ULK2: variants seen among roughly 807,000 people sequenced by gnomAD.
The protein encoded by ULK2 is serine/threonine-protein kinase ULK2.
In ULK2, 76 loss-of-function variants were observed where a neutral mutation model predicts 127.5. The ratio of observed to expected loss-of-function variants is 0.60; its 90% confidence interval spans 0.50 to 0.72. The LOEUF is 0.72. Ranked by LOEUF, ULK2 falls within the 30% of genes least tolerant of loss-of-function variation. ULK2 has a pLI of 0.00. For missense variants in ULK2, 1,144 were observed against 1,295.9 expected (o/e 0.88, Z 1.80); for synonymous variants, 452 against 461.9 (o/e 0.98, Z 0.28).
chr17:19,858,423 G>A (rs1446098773), intron 3 of ULK2, among the ~76,000 whole-genome samples: 1 of 151,758 alleles, frequency 6.6e-6, no homozygotes, highest in East Asian at 1.9e-4. Context: ...AAAAGAAATA[G>A]TAACTATTTG....
intron 8 of ULK2, among the ~76,000 whole-genome samples, chr17:19,842,435 G>A (rs980819223): frequency 5.3e-5 from 8 of 152,072 alleles, no homozygotes; most frequent in African/African-American, 1.9e-4. Context: ...GACCTCAGGT[G>A]ATCTGCCCGC....
At chr17:19,849,330 C>A in intron 5 of ULK2, 39 bp downstream of exon 5, 4 of 1,589,402 alleles carry the variant, frequency 2.5e-6, no homozygotes, top group Non-Finnish European at 3.4e-6. Flanking sequence ...CAGGCTGCAG[C>A]ACTGTCTTTA....
At chr17:19,820,534 G>C (rs1170221970) in intron 12 of ULK2, among the ~76,000 whole-genome samples, 1 of 152,120 alleles carries the variant, frequency 6.6e-6, no homozygotes, top group Non-Finnish European at 1.5e-5. Flanking sequence ...GCCTATATTT[G>C]AGCTATCCAC....
intron 20 of ULK2, among the ~76,000 whole-genome samples, chr17:19,792,093 AT>A (rs1231153910): frequency 6.6e-6 from 1 of 152,110 alleles, no homozygotes; most frequent in East Asian, 1.9e-4. Flanking sequence ...TAAGAGGGAA[AT>A]TTATAGCTAA....
chr17:19,782,067 G>A lies in ULK2; in HGVS notation c.2461C>T (p.Arg821Trp), dbSNP rs199558748. Residue 821 changes from arginine to tryptophan, a missense_variant and splice_region_variant, in exon 23 of 27, where the codon CGG becomes TGG. Physicochemically the swap from Arg to Trp is moderately radical, Grantham distance 101. Coordinates refer to ENST00000395544, the MANE Select transcript of ULK2 (RefSeq NM_014683.4). Reference sequence around the variant, plus strand: ...TGGCGTAAGGTGTCTGTGTGTTCCCGCTGCAGCAAAGTCAATTTGTCTTAG... The same window carrying A: ...TGGCGTAAGGTGTCTGTGTGTTCCCACTGCAGCAAAGTCAATTTGTCTTAG... ...PELPEETLMEREHTDTLRHLN... is the reference protein window; with the variant it reads ...PELPEETLMEWEHTDTLRHLN... 662 of 1,612,546 alleles carry A rather than the reference G, an allele frequency of 4.1e-4. 2 individuals are homozygous for A. The highest frequency in any genetic ancestry group is 3.5e-4 in the Non-Finnish European group (414 of 1,179,162).
At chr17:19,824,211 A>G (rs2041231634) in intron 12 of ULK2, among the ~76,000 whole-genome samples, 1 of 152,104 alleles carries the variant, frequency 6.6e-6, no homozygotes, top group Non-Finnish European at 1.5e-5. Context: ...TTGGGAGGCC[A>G]AGGCGGGCAG....
At chr17:19,833,480 GGGT>G (rs1355406933) in intron 10 of ULK2, among the ~76,000 whole-genome samples, 1 of 151,820 alleles carries the variant, frequency 6.6e-6, no homozygotes, top group African/African-American at 2.4e-5. Flanking sequence ...AGGCCGAGGT[GGGT>G]GGATCACGTG....
At chr17:19,806,546 T>A (rs2087519860) in intron 14 of ULK2, among the ~76,000 whole-genome samples, 1 of 152,234 alleles carries the variant, frequency 6.6e-6, no homozygotes. Context: ...AAATGTTATC[T>A]CAGATAGTCT....
Position 19,773,104 on chromosome 17 carries a change from C to T in ULK2, c.*3245G>A, listed in dbSNP as rs1365182300. On this transcript the variant is annotated 3_prime_UTR_variant, in exon 27 of 27. Transcript: ENST00000395544. ...CCAGCCTGACCAACATGGTGAAACC[C>T]CATCTCCACTAAAAATACGAAAAAT... 2 of 152,166 alleles carry T rather than the reference C, an allele frequency of 1.3e-5. No individual in the cohort carries two copies. The highest frequency in any genetic ancestry group is 4.8e-5 in the African/African-American group (2 of 41,404). 9.4% of individuals were successfully genotyped at this position (152,166 alleles called of 1,614,324 possible).
At position 19,811,582 on chromosome 17, in the gene ULK2, C is replaced by T. The variant is rs562936330; in HGVS notation, c.1097-1144G>A. ...TCAGCCTCCCAAGTAGCTGGGATTA[C>T]AGGTGTGTGCCACCACACCCAGCTA... On this transcript the variant is annotated intron_variant, in intron 13 of 26. Coordinates refer to ENST00000395544, the MANE Select transcript of ULK2 (RefSeq NM_014683.4). 1.4e-4 allele frequency among the ~76,000 whole-genome samples: 22 copies of T among 152,136 alleles called. No individual in the cohort carries two copies. The East Asian group carries it at 3.7e-3, about 26-fold the overall frequency.
chr17:19,857,034 G>A (rs1041210371), intron 3 of ULK2, among the ~76,000 whole-genome samples: 9 of 146,512 alleles, frequency 6.1e-5, no homozygotes, highest in East Asian at 4.1e-4. Flanking sequence ...AGCCAGGCAC[G>A]GTGGCTCACA....
intron 11 of ULK2, 81 bp from the exon 12 acceptor site, chr17:19,825,263 T>C (rs1014940422): frequency 8.4e-7 from 1 of 1,196,728 alleles, no homozygotes; most frequent in Non-Finnish European, 1.2e-6. Flanking sequence ...TTGCCAAAAC[T>C]ACTACACCTT....
intron 3 of ULK2, among the ~76,000 whole-genome samples, chr17:19,854,296 C>T (rs1342724532): frequency 6.7e-6 from 1 of 148,750 alleles, no homozygotes; most frequent in Non-Finnish European, 1.5e-5. Flanking sequence ...AAAGCACACA[C>T]AAAAAAAGGC....
rs2041893528 is a variant in ULK2 at position 19,846,756 on chromosome 17, A to G, written c.450T>C (p.Ser150=). The change falls in exon 6 of 27, where the codon AGT becomes AGC. Residue 150 remains serine (S), a synonymous_variant. Transcript: ENST00000395544. ...SYANRRKSSV[S]GIRIKIADFG... ...ATTTACCTATTTTGATGCGAATACCACTGACACTTGATTTTCTGCGATTGG... is the reference window on the plus strand; with the variant it reads ...ATTTACCTATTTTGATGCGAATACCGCTGACACTTGATTTTCTGCGATTGG... 1.2e-6 allele frequency: 2 copies of G among 1,610,582 alleles called. No homozygotes were observed. The highest frequency in any genetic ancestry group is 1.7e-6 in the Non-Finnish European group (2 of 1,178,780).
intron 1 of ULK2, 28 bp downstream of exon 1, chr17:19,867,300 G>T: frequency 6.5e-7 from 1 of 1,529,688 alleles, no homozygotes. Flanking sequence ...GCCGCCCGGG[G>T]CCCGGCCTCG....
Position 19,774,197 on chromosome 17 carries a change from A to T in ULK2, c.*2152T>A, listed in dbSNP as rs900784433. The T allele has an allele frequency of 6.5e-6, 1 of 152,810 alleles. No homozygotes were observed. The highest frequency in any genetic ancestry group is 1.9e-4 in the East Asian group (1 of 5,192). 9.5% of individuals were successfully genotyped at this position (152,810 alleles called of 1,614,324 possible). A position where few individuals can be genotyped will look rare whatever the true frequency, so the allele number is the denominator to read the frequency against. ...TGTTTATTATTGCTATACTCAAGGC[A>T]AAATCTCTTAATTAGCCTTGATAAT... On this transcript the variant is annotated 3_prime_UTR_variant, in exon 27 of 27. Coordinates refer to ENST00000395544, the MANE Select transcript of ULK2 (RefSeq NM_014683.4).
chr17:19,852,777 C>A (rs112402380), intron 3 of ULK2, among the ~76,000 whole-genome samples: 4,082 of 151,038 alleles, frequency 0.027, 180 homozygotes, highest in African/African-American at 0.094. Flanking sequence ...ACTACAGGCA[C>A]CCGCCACCAC....
intron 6 of ULK2, 49 bp downstream of exon 6, chr17:19,846,688 A>G: frequency 6.6e-7 from 1 of 1,510,856 alleles, no homozygotes; most frequent in Non-Finnish European, 8.8e-7. Flanking sequence ...GTTGTCTAAA[A>G]ATAGTTTCAA....
At chr17:19,826,366 ATT>A (rs1020319507) in intron 10 of ULK2, among the ~76,000 whole-genome samples, 180 bp from the exon 11 acceptor site, 2 of 152,072 alleles carry the variant, frequency 1.3e-5, no homozygotes, top group African/African-American at 4.8e-5. Context: ...TAAAATAATT[ATT>A]TTTATAATCA....
Sources: gnomAD v4.1 joint callset for allele counts (sites outside exome capture counted in the v4.1 genomes callset) on GRCh38, gnomAD v4.1.1 for gene constraint, MANE v1.5 for transcripts, NCBI Gene and HGNC (gene_info 2026-07-23, HGNC 2026-07-21) for gene names.